RABGAP1: variants seen among roughly 807,000 people sequenced by gnomAD.
The protein encoded by RABGAP1 is rab GTPase-activating protein 1.
A neutral mutation model predicts 137.6 loss-of-function variants in RABGAP1; 23 were observed. The observed-to-expected ratio is 0.17, with a 90% CI of 0.12 to 0.24. The LOEUF is 0.24. RABGAP1 is among the 10% of genes least tolerant of loss of function. The pLI is 1.00. For missense variants in RABGAP1, 906 were observed against 1,275.8 expected (o/e 0.71, Z 4.42); for synonymous variants, 451 against 450.7 (o/e 1.00, Z -0.01).
intron 10 of RABGAP1, among the ~76,000 whole-genome samples, chr9:123,005,570 A>T (rs1033223210): frequency 2.6e-5 from 4 of 152,192 alleles, no homozygotes; most frequent in South Asian, 2.1e-4. Flanking sequence ...ATCATTCCAC[A>T]TCAGTGCATA....
intron 13 of RABGAP1, among the ~76,000 whole-genome samples, chr9:123,057,827 G>A (rs10116128): frequency 0.11 from 16,625 of 152,278 alleles, 2,933 homozygotes; most frequent in African/African-American, 0.37. Flanking sequence ...GAGGGTGGCG[G>A]ATCACTCGCG....
At chr9:123,056,142 C>T (rs1003129297) in intron 13 of RABGAP1, among the ~76,000 whole-genome samples, 12 of 152,192 alleles carry the variant, frequency 7.9e-5, no homozygotes, top group Admixed American at 6.5e-4. Flanking sequence ...GCTAGGTGTG[C>T]TCCTTGCTAC....
At chr9:123,071,163 G>T (rs1421550524) in intron 15 of RABGAP1, among the ~76,000 whole-genome samples, 1 of 152,138 alleles carries the variant, frequency 6.6e-6, no homozygotes, top group Non-Finnish European at 1.5e-5. Context: ...CATTGATTCA[G>T]TAATGTCTGA....
chr9:122,964,664 CAAG>C (rs1247469300), intron 2 of RABGAP1, among the ~76,000 whole-genome samples: 3 of 152,070 alleles, frequency 2.0e-5, no homozygotes, highest in Admixed American at 2.0e-4. Flanking sequence ...AAGAATAAGA[CAAG>C]GAGGTCTACA....
intron 19 of RABGAP1, among the ~76,000 whole-genome samples, chr9:123,083,376 G>C (rs1010183183): frequency 6.6e-6 from 1 of 152,138 alleles, no homozygotes; most frequent in African/African-American, 2.4e-5. Flanking sequence ...TTCTTTGCTT[G>C]TTCCTACCTT....
At chr9:123,044,056 A>G (rs965549536) in intron 13 of RABGAP1, among the ~76,000 whole-genome samples, 1 of 151,538 alleles carries the variant, frequency 6.6e-6, no homozygotes, top group African/African-American at 2.4e-5. Flanking sequence ...GCCCACCACC[A>G]TGCATGGCTA....
At chr9:122,969,147 T>A (rs1000190065) in intron 2 of RABGAP1, among the ~76,000 whole-genome samples, 20 of 152,224 alleles carry the variant, frequency 1.3e-4, no homozygotes, top group African/African-American at 4.6e-4. Context: ...TGTTTAGATA[T>A]GTTTAATACA....
chr9:122,950,377 C>CTTTTTTTT (rs200424486), intron 1 of RABGAP1, among the ~76,000 whole-genome samples: 76 of 74,424 alleles, frequency 1.0e-3, no homozygotes, highest in Admixed American at 1.5e-3. Flanking sequence ...CTTTTTCTTT[C>CTTTTTTTT]TTTTTTTTTT....
At chr9:123,033,072 C>T (rs905890782) in intron 13 of RABGAP1, among the ~76,000 whole-genome samples, 6 of 152,104 alleles carry the variant, frequency 3.9e-5, no homozygotes, top group African/African-American at 1.2e-4. Flanking sequence ...ATGGGAGATA[C>T]TTTATTTTTC....
chr9:123,040,553 C>G (rs558915952), intron 13 of RABGAP1, among the ~76,000 whole-genome samples: 89 of 152,246 alleles, frequency 5.8e-4, no homozygotes, highest in African/African-American at 2.0e-3. Flanking sequence ...GTCTTTTAGT[C>G]AGATTCTTTG....
Position 123,076,233 on chromosome 9 carries a change from G to A in RABGAP1, c.2254-12G>A, listed in dbSNP as rs1005094257. Reference sequence around the variant, plus strand: ...AAAACTGACAGTGTTCTTTTTGTCTGTTCTCTTTCAGGGAATAAGTGTTAT... The same window carrying A: ...AAAACTGACAGTGTTCTTTTTGTCTATTCTCTTTCAGGGAATAAGTGTTAT... On this transcript the variant is annotated splice_polypyrimidine_tract_variant and intron_variant, in intron 17 of 25. Transcript: ENST00000373647. 6.2e-6 allele frequency: 10 copies of A among 1,608,426 alleles called. No homozygotes were observed. The highest frequency in any genetic ancestry group is 5.0e-5 in the Admixed American group (3 of 59,484).
intron 14 of RABGAP1, among the ~76,000 whole-genome samples, chr9:123,066,718 A>G (rs1228630493): frequency 6.6e-6 from 1 of 152,240 alleles, no homozygotes; most frequent in Non-Finnish European, 1.5e-5. Context: ...ACAGATGTTC[A>G]CAAATCTACA....
At chr9:123,064,005 CG>C (rs756825252) in intron 13 of RABGAP1, among the ~76,000 whole-genome samples, 33 of 152,152 alleles carry the variant, frequency 2.2e-4, no homozygotes, top group Non-Finnish European at 4.0e-4. Context: ...CTACCTTGCC[CG>C]CCCCAAAATT....
chr9:123,028,090 A>G (rs924814293), intron 13 of RABGAP1, among the ~76,000 whole-genome samples: 13 of 152,190 alleles, frequency 8.5e-5, no homozygotes, highest in Admixed American at 2.0e-4. Context: ...TAAAATTGCT[A>G]TTTGACAGTT....
At chr9:122,986,193 C>T (rs1014221316) in intron 3 of RABGAP1, 22 bp from the exon 4 acceptor site, 9 of 1,599,410 alleles carry the variant, frequency 5.6e-6, no homozygotes, top group Non-Finnish European at 6.9e-6. Context: ...GTAATCACTT[C>T]CTTATTCATT....
chr9:123,005,957 T>C (rs973004178), intron 10 of RABGAP1, among the ~76,000 whole-genome samples: 2 of 152,226 alleles, frequency 1.3e-5, no homozygotes, highest in Admixed American at 1.3e-4. Flanking sequence ...AAGAATAGTT[T>C]TAGTTTATCC....
chr9:123,016,942 A>G (rs983177132), intron 12 of RABGAP1, among the ~76,000 whole-genome samples: 2 of 152,226 alleles, frequency 1.3e-5, no homozygotes, highest in Non-Finnish European at 2.9e-5. Flanking sequence ...ACACTGGAAA[A>G]TGTCAAATGT....
At chr9:123,099,785 A>G (rs1801058283) in intron 24 of RABGAP1, among the ~76,000 whole-genome samples, 1 of 152,184 alleles carries the variant, frequency 6.6e-6, no homozygotes, top group South Asian at 2.1e-4. Context: ...CAAGTGCCCC[A>G]TGATTTCCAA....
chr9:122,964,864 G>A (rs1835055673), intron 2 of RABGAP1, among the ~76,000 whole-genome samples: 1 of 152,102 alleles, frequency 6.6e-6, no homozygotes, highest in African/African-American at 2.4e-5. Flanking sequence ...GAATGTGGTG[G>A]CATGCTCTTG....
Sources: gnomAD v4.1 joint callset for allele counts (sites outside exome capture counted in the v4.1 genomes callset) on GRCh38, gnomAD v4.1.1 for gene constraint, MANE v1.5 for transcripts, NCBI Gene and HGNC (gene_info 2026-07-23, HGNC 2026-07-21) for gene names.